SIPA1L1: variants seen among roughly 807,000 people sequenced by gnomAD.
SIPA1L1 encodes signal induced proliferation associated 1 like 1, also known as signal-induced proliferation-associated 1-like protein 1.
SIPA1L1 carries 26 observed loss-of-function variants against 162.7 expected under a neutral mutation model. That is an observed-to-expected ratio of 0.16 (90% confidence interval 0.12 to 0.22). SIPA1L1 has a LOEUF of 0.22. Ranked by LOEUF, SIPA1L1 falls within the 10% of genes least tolerant of loss-of-function variation. The pLI is 1.00. For synonymous variants in SIPA1L1, 829 were observed against 837.4 expected, an observed-to-expected ratio of 0.99 and a Z score of 0.17; for missense variants, 1,874 against 2,241.0, an observed-to-expected ratio of 0.84 and a Z score of 3.31.
chr14:71,680,146 C>T (rs1031771606), intron 12 of SIPA1L1, among the ~76,000 whole-genome samples: 1 of 152,204 alleles, frequency 6.6e-6, no homozygotes, highest in African/African-American at 2.4e-5. Flanking sequence ...CCACCTTGCA[C>T]TTATTCCAAA....
intron 20 of SIPA1L1, 91 bp downstream of exon 20, chr14:71,730,392 G>C: frequency 6.9e-7 from 1 of 1,440,336 alleles, no homozygotes; most frequent in South Asian, 1.3e-5. Context: ...TCAGAGAGGG[G>C]TCCTGTATCC....
chr14:71,509,212 C>G (rs2050915196), intron 2 of SIPA1L1, among the ~76,000 whole-genome samples: 1 of 152,112 alleles, frequency 6.6e-6, no homozygotes, highest in African/African-American at 2.4e-5. Flanking sequence ...CTGATATCAT[C>G]TATATTGGGA....
chr14:71,694,030 A>T (rs2081440246), intron 13 of SIPA1L1, among the ~76,000 whole-genome samples: 1 of 152,172 alleles, frequency 6.6e-6, no homozygotes, highest in African/African-American at 2.4e-5. Context: ...ATCTTACCTA[A>T]TCAGTTAGGA....
intron 22 of SIPA1L1, among the ~76,000 whole-genome samples, chr14:71,737,931 A>C (rs1339947668): frequency 1.3e-5 from 2 of 152,154 alleles, no homozygotes; most frequent in Admixed American, 1.3e-4. Flanking sequence ...TATCTGCCAG[A>C]AAGTACCTCT....
At chr14:71,532,353 T>C (rs1006872950) in intron 4 of SIPA1L1, among the ~76,000 whole-genome samples, 1 of 152,228 alleles carries the variant, frequency 6.6e-6, no homozygotes, top group Admixed American at 6.5e-5. Flanking sequence ...TGGAGTCTTC[T>C]TCTTTCTTAT....
intron 2 of SIPA1L1, among the ~76,000 whole-genome samples, chr14:71,340,239 G>A (rs1048132371): frequency 6.6e-6 from 1 of 151,956 alleles, no homozygotes; most frequent in Non-Finnish European, 1.5e-5. Flanking sequence ...GAAAGTCAGG[G>A]ACTGTTTTTT....
chr14:71,449,392 T>C (rs1241384966), intron 2 of SIPA1L1, among the ~76,000 whole-genome samples: 1 of 152,180 alleles, frequency 6.6e-6, no homozygotes, highest in Non-Finnish European at 1.5e-5. Flanking sequence ...GGAAGAGTAA[T>C]TGAGACAATG....
At chr14:71,456,506 G>A (rs1399347642) in intron 2 of SIPA1L1, among the ~76,000 whole-genome samples, 8 of 152,218 alleles carry the variant, frequency 5.3e-5, no homozygotes, top group African/African-American at 1.9e-4. Context: ...TGAATAGCAT[G>A]TCTAGGCAGA....
intron 2 of SIPA1L1, among the ~76,000 whole-genome samples, chr14:71,451,646 A>AG (rs1490681905): frequency 1.3e-5 from 2 of 151,674 alleles, no homozygotes; most frequent in East Asian, 3.9e-4. Context: ...AAAAAAAAAA[A>AG]AAAAAAGAAA....
intron 4 of SIPA1L1, among the ~76,000 whole-genome samples, chr14:71,547,153 A>G (rs2055293977): frequency 6.6e-6 from 1 of 151,874 alleles, no homozygotes; most frequent in South Asian, 2.1e-4. Flanking sequence ...TAGAAATTCT[A>G]TGGAATGTTA....
chr14:71,437,461 T>A (rs555948375), intron 2 of SIPA1L1, among the ~76,000 whole-genome samples: 2 of 152,292 alleles, frequency 1.3e-5, no homozygotes, highest in African/African-American at 4.8e-5. Flanking sequence ...TCTGCCTCTG[T>A]GGTTCGAGGT....
chr14:71,368,130 T>G (rs2038524631), intron 2 of SIPA1L1, among the ~76,000 whole-genome samples: 1 of 149,954 alleles, frequency 6.7e-6, no homozygotes, highest in African/African-American at 2.4e-5. Context: ...TTTGTTTTAT[T>G]TTTGTGGTAT....
At chr14:71,541,079 G>A (rs1364433396) in intron 4 of SIPA1L1, among the ~76,000 whole-genome samples, 1 of 151,926 alleles carries the variant, frequency 6.6e-6, no homozygotes, top group Non-Finnish European at 1.5e-5. Context: ...AGTGAGCCAA[G>A]ATTCTCCAGC....
chr14:71,636,671 A>G (rs144971528), intron 7 of SIPA1L1, among the ~76,000 whole-genome samples: 4 of 152,358 alleles, frequency 2.6e-5, no homozygotes, highest in African/African-American at 4.8e-5. Flanking sequence ...CAAAGCAACT[A>G]GAAAGAAGGA....
intron 2 of SIPA1L1, among the ~76,000 whole-genome samples, chr14:71,409,936 G>GC (rs1160166955): frequency 6.6e-6 from 1 of 152,138 alleles, no homozygotes; most frequent in Admixed American, 6.5e-5. Flanking sequence ...TTTTTGGGCT[G>GC]CCTTGTCTTG....
At chr14:71,380,468 T>C (rs1159432020) in intron 2 of SIPA1L1, among the ~76,000 whole-genome samples, 1 of 152,248 alleles carries the variant, frequency 6.6e-6, no homozygotes. Context: ...TATTTTGCGA[T>C]GCATTCCAAA....
intron 2 of SIPA1L1, among the ~76,000 whole-genome samples, chr14:71,402,430 C>T (rs1371655207): frequency 6.6e-6 from 1 of 151,094 alleles, no homozygotes; most frequent in African/African-American, 2.4e-5. Context: ...CTCTCTGTAA[C>T]CTCCGCCTCC....
chr14:71,671,326 C>T lies in SIPA1L1; in HGVS notation c.2463C>T (p.Val821=), dbSNP rs373134886. Residue 821 remains valine, a synonymous_variant, in exon 11 of 24, where the codon GTC becomes GTT. Transcript: ENST00000381232. ...EYLKDLAEKN[V]TNTPIDPSGK... is the part of the protein sequence containing the mutation. Reference sequence around the variant, plus strand: ...TGAAAGATCTGGCAGAAAAGAATGTCACCAACACCCCTATCGACCCTTCTG... The same window carrying T: ...TGAAAGATCTGGCAGAAAAGAATGTTACCAACACCCCTATCGACCCTTCTG... The T allele has an allele frequency of 1.2e-5, 19 of 1,614,092 alleles. No homozygotes were observed. The highest frequency in any genetic ancestry group is 1.4e-5 in the Non-Finnish European group (17 of 1,180,048).
chr14:71,536,929 GTTGT>G (rs1265284420), intron 4 of SIPA1L1, among the ~76,000 whole-genome samples: 6 of 152,196 alleles, frequency 3.9e-5, no homozygotes, highest in Middle Eastern at 3.2e-3. Context: ...ATAAGTAGCA[GTTGT>G]TTCTTTCTTG....
Sources: gnomAD v4.1 joint callset for allele counts (sites outside exome capture counted in the v4.1 genomes callset) on GRCh38, gnomAD v4.1.1 for gene constraint, MANE v1.5 for transcripts, NCBI Gene and HGNC (gene_info 2026-07-23, HGNC 2026-07-21) for gene names.